Variants in CCDC85C observed in about 807,000 individuals in gnomAD.
CCDC85C encodes coiled-coil domain-containing protein 85C.
CCDC85C carries 18 observed loss-of-function variants against 38.3 expected under a neutral mutation model. That is an observed-to-expected ratio of 0.47 (90% CI 0.33 to 0.70). CCDC85C has a LOEUF of 0.70. Ranked by LOEUF, CCDC85C falls within the 30% of genes least tolerant of loss-of-function variation. The pLI, the probability that CCDC85C is intolerant of heterozygous loss-of-function variation, is 0.03. For missense variants in CCDC85C, 566 were observed against 621.2 expected (o/e 0.91, Z 0.94); for synonymous variants, 264 against 293.8 (o/e 0.90, Z 1.04).
chr14:99,527,435 G>A (rs926250200), intron 2 of CCDC85C, among the ~76,000 whole-genome samples: 4 of 152,206 alleles, frequency 2.6e-5, no homozygotes, highest in Admixed American at 2.6e-4. Flanking sequence ...TCTGGGGCGG[G>A]CAGTCTCAGG....
chr14:99,590,089 T>C (rs1052403361), intron 1 of CCDC85C, among the ~76,000 whole-genome samples: 13 of 152,152 alleles, frequency 8.5e-5, no homozygotes, highest in Non-Finnish European at 1.0e-4. Flanking sequence ...CCAGCCCTCA[T>C]GGGGGACAAG....
chr14:99,541,379 G>A (rs1422772978), intron 1 of CCDC85C, among the ~76,000 whole-genome samples: 6 of 152,328 alleles, frequency 3.9e-5, no homozygotes, highest in Admixed American at 2.6e-4. Context: ...CTGGGCACAC[G>A]CTCCTTGCAT....
intron 1 of CCDC85C, among the ~76,000 whole-genome samples, chr14:99,602,787 G>A (rs908444483): frequency 4.6e-5 from 7 of 152,146 alleles, no homozygotes. Flanking sequence ...GCGCTCAAGG[G>A]GCCTTGTATC....
At position 99,603,653 on chromosome 14, in the gene CCDC85C, G is replaced by T; in HGVS notation, c.307C>A (p.Arg103Ser). The T allele has an allele frequency of 1.4e-6, 2 of 1,478,324 alleles. No individual in the cohort carries two copies. Among genetic ancestry groups the T allele is most frequent in the Non-Finnish European group, 1.8e-6 (2 of 1,115,028 alleles). 91.6% of individuals were successfully genotyped at this position (1,478,324 alleles called of 1,614,324 possible). The change falls in exon 1 of 6, where the codon CGC becomes AGC. Residue 103 changes from arginine (R) to serine (S), a missense_variant. Around this residue, in one of 3 missense-constraint regions of CCDC85C, gnomAD observed 269 missense variants for 308.2 expected, o/e 0.87. Coordinates refer to ENST00000380243, the MANE Select transcript of CCDC85C (RefSeq NM_001144995.2). This position sits in a 1 kb window ranked among gnomAD's most constrained non-coding sequence, Gnocchi z 7.5. ...TGGCGCCCGAAGCGCTGCCACTCGC[G>T]CGCCAGCTTGCGCCCCTTCTGCCGG... ...DDRQKGRKLAREWQRFGRHAA... is the reference protein window; with the variant it reads ...DDRQKGRKLASEWQRFGRHAA...
intron 3 of CCDC85C, among the ~76,000 whole-genome samples, chr14:99,517,770 G>A (rs1884524): frequency 0.87 from 132,720 of 152,248 alleles, 59,775 homozygotes; most frequent in East Asian, 1. Flanking sequence ...CAGAAGCTGC[G>A]TGTCTACCCA....
In CCDC85C at chr14:99,564,994, C is replaced by T. The variant is rs141107376; in HGVS notation, c.794-28906G>A. Among the ~76,000 whole-genome samples the T allele has an allele frequency of 8.5e-3, 1,290 of 152,320 alleles. 7 individuals carry two copies. Among genetic ancestry groups the T allele is most frequent in the Middle Eastern group, 0.01 (3 of 294 alleles). ...GCAGCTGCCACAGGGGGCAACCAAC[C>T]GCCTTCCAAGGAGAGGGGACGCAGA... On this transcript the variant is annotated intron_variant, in intron 1 of 5. Transcript: ENST00000380243.
chr14:99,540,070 C>A (rs897701151), intron 1 of CCDC85C, among the ~76,000 whole-genome samples: 5 of 152,102 alleles, frequency 3.3e-5, no homozygotes, highest in African/African-American at 1.2e-4. Flanking sequence ...ATTGCTTGAA[C>A]CCGGGAGGCA....
chr14:99,567,697 T>C (rs1381400241), intron 1 of CCDC85C, among the ~76,000 whole-genome samples: 1 of 152,266 alleles, frequency 6.6e-6, no homozygotes, highest in South Asian at 2.1e-4. Context: ...TGGTAGCACA[T>C]GCCTGCAGTC....
Position 99,507,112 on chromosome 14 carries a change from C to T in CCDC85C, c.*8134G>A, listed in dbSNP as rs901901957. 3 of 1,612,646 alleles carry T rather than the reference C, an allele frequency of 1.9e-6. No individual in the cohort carries two copies. In the South Asian group the frequency reaches 3.3e-5, roughly 18 times the overall value. Reference sequence around the variant, plus strand: ...CCTAAAATCCCCAAAATTGAGACCACTCATCCACCGTTGCCTCCAGCCCAC... The same window carrying T: ...CCTAAAATCCCCAAAATTGAGACCATTCATCCACCGTTGCCTCCAGCCCAC... On this transcript the variant is annotated 3_prime_UTR_variant, in exon 6 of 6. Transcript: ENST00000380243.
chr14:99,516,310 CA>C lies in CCDC85C; in HGVS notation c.1072-25del. The C allele has an allele frequency of 4.6e-6, 7 of 1,530,788 alleles. No homozygotes were observed. The highest frequency in any genetic ancestry group is 5.3e-6 in the Non-Finnish European group (6 of 1,129,002). 94.8% of individuals were successfully genotyped at this position (1,530,788 alleles called of 1,614,324 possible). A position where few individuals can be genotyped will look rare whatever the true frequency, so the allele number is the denominator to read the frequency against. On this transcript the variant is annotated intron_variant, in intron 4 of 5. Coordinates refer to ENST00000380243, the MANE Select transcript of CCDC85C (RefSeq NM_001144995.2). The surrounding 1 kb of genome is among the most constrained non-coding windows in gnomAD (Gnocchi z 5.5). ...ACCTGAAGGGAACGGGTCTCGGGGT[CA>C]GGGGCAGAGGCCACCGGCAGACCTC...
chr14:99,504,945 A>G lies in CCDC85C; in HGVS notation c.*10301T>C, dbSNP rs1041714086. The G allele has an allele frequency of 3.3e-5, 5 of 152,292 alleles. No homozygotes were observed. Among genetic ancestry groups the G allele is most frequent in the African/African-American group, 9.7e-5 (4 of 41,432 alleles). The allele number at this position is 152,292 out of a possible 1,614,324, so 9.4% of individuals were successfully genotyped here. On this transcript the variant is annotated 3_prime_UTR_variant, in exon 6 of 6. Transcript: ENST00000380243. ...GAGCAGAGGGGGAGGATGGAGCAAT[A>G]AGTTGGAAGTACGCAAGTGAGCAAA...
intron 1 of CCDC85C, among the ~76,000 whole-genome samples, chr14:99,567,509 C>T (rs1445947342): frequency 2.0e-5 from 3 of 152,142 alleles, no homozygotes; most frequent in South Asian, 2.1e-4. Flanking sequence ...AGCCAAGGTG[C>T]GGCAGATAAA....
intron 1 of CCDC85C, among the ~76,000 whole-genome samples, chr14:99,537,834 G>A (rs1249763415): frequency 6.6e-6 from 1 of 152,184 alleles, no homozygotes; most frequent in Non-Finnish European, 1.5e-5. Context: ...GCGGTGTGAT[G>A]GGAAGAGGCC....
chr14:99,560,410 G>A (rs1294711480), intron 1 of CCDC85C, among the ~76,000 whole-genome samples: 2 of 152,194 alleles, frequency 1.3e-5, no homozygotes, highest in Non-Finnish European at 1.5e-5. Flanking sequence ...ATCCCTGGGA[G>A]GGATGACTGC....
At chr14:99,534,495 G>A (rs1230257771) in intron 2 of CCDC85C, among the ~76,000 whole-genome samples, 3 of 152,188 alleles carry the variant, frequency 2.0e-5, no homozygotes, top group Non-Finnish European at 4.4e-5. Flanking sequence ...CTGACCCGGG[G>A]GCCCGAGCTT....
In CCDC85C at chr14:99,501,480, C is replaced by A; in HGVS notation, c.*13766G>T. Reference sequence around the variant, plus strand: ...TAGGCAGAGACTTTATGGACCATTTCATCTAAACCCCTCATTTTGTGTCAG... The same window carrying A: ...TAGGCAGAGACTTTATGGACCATTTAATCTAAACCCCTCATTTTGTGTCAG... On this transcript the variant is annotated 3_prime_UTR_variant, in exon 6 of 6. Coordinates refer to ENST00000380243, the MANE Select transcript of CCDC85C (RefSeq NM_001144995.2). 1 of 1,039,442 alleles carries A rather than the reference C, an allele frequency of 9.6e-7. No homozygotes were observed. The highest frequency in any genetic ancestry group is 1.5e-6 in the Non-Finnish European group (1 of 670,914). 64.4% of individuals were successfully genotyped at this position (1,039,442 alleles called of 1,614,324 possible). A position where few individuals can be genotyped will look rare whatever the true frequency, so the allele number is the denominator to read the frequency against.
intron 3 of CCDC85C, among the ~76,000 whole-genome samples, chr14:99,521,066 A>G (rs1373813949): frequency 4.6e-5 from 7 of 152,224 alleles, no homozygotes; most frequent in Admixed American, 4.6e-4. Context: ...GCCACGCGGA[A>G]GACTTCAGGA....
At chr14:99,552,829 C>T (rs990147200) in intron 1 of CCDC85C, among the ~76,000 whole-genome samples, 15 of 152,256 alleles carry the variant, frequency 9.9e-5, no homozygotes, top group Non-Finnish European at 1.6e-4. Flanking sequence ...GGGTCACCTG[C>T]TCACCTTGGG....
In CCDC85C at chr14:99,517,169, G is replaced by A. The variant is rs778725554; in HGVS notation, c.990C>T (p.Pro330=). 48 of 1,546,812 alleles carry A rather than the reference G, an allele frequency of 3.1e-5. No homozygotes were observed. Among genetic ancestry groups the A allele is most frequent in the African/African-American group, 1.1e-4 (8 of 72,960 alleles). The change falls in exon 4 of 6, where the codon CCC becomes CCT. Residue 330 remains proline, a synonymous_variant. Transcript: ENST00000380243. ...QDSLQNGPAC[P]APELPSPPSA... is the part of the protein sequence containing the mutation. Reference sequence around the variant, plus strand: ...AGGGGGGCGAGGGCAGCTCAGGTGCGGGGCAGGCCGGGCCCTGGGGAAGGC... The same window carrying A: ...AGGGGGGCGAGGGCAGCTCAGGTGCAGGGCAGGCCGGGCCCTGGGGAAGGC...
Sources: gnomAD v4.1 joint callset for allele counts (sites outside exome capture counted in the v4.1 genomes callset) on GRCh38, gnomAD v4.1.1 for gene constraint, gnomAD v4.1.1 regional missense constraint, Gnocchi (gnomAD v3.1) non-coding constraint, MANE v1.5 for transcripts, NCBI Gene and HGNC (gene_info 2026-07-23, HGNC 2026-07-21) for gene names.